ATG4B: variants seen among roughly 807,000 people sequenced by gnomAD.
ATG4B encodes cysteine protease ATG4B.
A neutral mutation model predicts 56.6 loss-of-function variants in ATG4B; 29 were observed. That is an observed-to-expected ratio of 0.51 (90% CI 0.38 to 0.70). The LOEUF (loss-of-function observed/expected upper bound fraction) is 0.70, where lower values mean the gene tolerates loss of function less well. ATG4B is among the 30% of genes least tolerant of loss of function. The probability of loss-of-function intolerance (pLI) is 0.00; values close to 1 mark genes in which losing one functional copy is unlikely to be tolerated. For synonymous variants in ATG4B, 224 were observed against 206.1 expected (o/e 1.09, Z -0.74); for missense variants, 461 against 515.5 (o/e 0.89, Z 1.02).
At chr2:241,672,019 C>A in intron 12 of ATG4B, 172 bp from the exon 13 acceptor site, 1 of 1,429,068 alleles carries the variant, frequency 7.0e-7, no homozygotes, top group East Asian at 2.5e-5. Context: ...TGCTCCCTCC[C>A]CCCATATTCG....
At position 241,651,775 on chromosome 2, in the gene ATG4B, T is replaced by G; in HGVS notation, c.184+440T>G. The G allele has an allele frequency of 1.5e-6, 1 of 678,266 alleles. No homozygotes were observed. Among genetic ancestry groups the G allele is most frequent in the South Asian group, 1.6e-5 (1 of 60,964 alleles). The allele number at this position is 678,266 out of a possible 1,614,324, so 42.0% of individuals were successfully genotyped here. ...CAGAATGTTTGGAAGCCATTCTCTG[T>G]AGCCCTCATCTTTTTTAGTATTTTC... On this transcript the variant is annotated intron_variant, in intron 3 of 12. Coordinates refer to ENST00000404914, the MANE Select transcript of ATG4B (RefSeq NM_013325.5). The surrounding 1 kb of genome is among the most constrained non-coding windows in gnomAD (Gnocchi z 4.1).
rs1490354781 is a variant in ATG4B at position 241,655,288 on chromosome 2, G to A, written c.403G>A (p.Glu135Lys). The A allele has an allele frequency of 1.9e-6, 3 of 1,611,992 alleles. No homozygotes were observed. The highest frequency in any genetic ancestry group is 2.5e-6 in the Non-Finnish European group (3 of 1,179,064). Residue 135 changes from glutamate to lysine, a missense_variant, in exon 6 of 13, where the codon GAA becomes AAA. Transcript: ENST00000404914. Reference sequence around the variant, plus strand: ...CCCTGCAGCGCAAATGGGAGTTGGCGAAGGCAAGTCCATAGGCCAGTGGTA... The same window carrying A: ...CCCTGCAGCGCAAATGGGAGTTGGCAAAGGCAAGTCCATAGGCCAGTGGTA... Reference protein sequence around the residue: ...IHQIAQMGVGEGKSIGQWYGP... With the variant: ...IHQIAQMGVGKGKSIGQWYGP...
chr2:241,651,869 G>A lies in ATG4B; in HGVS notation c.184+534G>A, dbSNP rs1312807015. ...ACATGTTTTTATGTAACACTAAGGTGCATTCTGTTAAAAGCCATTCATCAT... is the reference window on the plus strand; with the variant it reads ...ACATGTTTTTATGTAACACTAAGGTACATTCTGTTAAAAGCCATTCATCAT... On this transcript the variant is annotated intron_variant, in intron 3 of 12. Coordinates refer to ENST00000404914, the MANE Select transcript of ATG4B (RefSeq NM_013325.5). This position sits in a 1 kb window ranked among gnomAD's most constrained non-coding sequence, Gnocchi z 4.1. 3.9e-6 allele frequency: 5 copies of A among 1,296,488 alleles called. No homozygotes were observed. Among genetic ancestry groups the A allele is most frequent in the South Asian group, 2.5e-5 (2 of 80,874 alleles). The allele number at this position is 1,296,488 out of a possible 1,614,324, so 80.3% of individuals were successfully genotyped here. A position where few individuals can be genotyped will look rare whatever the true frequency, so the allele number is the denominator to read the frequency against.
intron 6 of ATG4B, among the ~76,000 whole-genome samples, chr2:241,656,572 A>G (rs954881470): frequency 2.0e-5 from 3 of 151,798 alleles, no homozygotes; most frequent in African/African-American, 7.3e-5. Flanking sequence ...CCTGCTCCCC[A>G]CCAGCCCCCG....
chr2:241,660,233 T>A (rs758993037), intron 7 of ATG4B, among the ~76,000 whole-genome samples: 10 of 152,196 alleles, frequency 6.6e-5, no homozygotes, highest in Non-Finnish European at 1.5e-4. Flanking sequence ...CAGCCGTAAC[T>A]GCGCACAGAT....
In ATG4B at chr2:241,637,742, G is replaced by A; in HGVS notation, c.10+18G>A. 6.4e-7 allele frequency: 1 copy of A among 1,572,522 alleles called. No individual in the cohort carries two copies. The highest frequency in any genetic ancestry group is 8.6e-7 in the Non-Finnish European group (1 of 1,163,194). ...GGACGCAGGTGAGGAGTTGCCGGGG[G>A]TCGGTCTTTCCGCAGGAGGTGCTCG... On this transcript the variant is annotated intron_variant, in intron 1 of 12. Transcript: ENST00000404914.
chr2:241,637,780 C>T (rs1348784677), intron 1 of ATG4B, 56 bp downstream of exon 1: 6 of 1,536,414 alleles, frequency 3.9e-6, no homozygotes, highest in South Asian at 2.4e-5. Context: ...TTATCATTGG[C>T]CTCCCCTGCT....
chr2:241,664,104 C>T (rs2068683087), intron 7 of ATG4B, among the ~76,000 whole-genome samples: 1 of 152,014 alleles, frequency 6.6e-6, no homozygotes, highest in Non-Finnish European at 1.5e-5. Flanking sequence ...AGGCGTGAGC[C>T]ACCGTGCCTG....
rs2068929844 is a variant in ATG4B at position 241,670,483 on chromosome 2, G to A, written c.958-243G>A. The A allele has an allele frequency of 1.5e-5, 9 of 588,330 alleles. No individual in the cohort carries two copies. The Admixed American group carries it at 2.4e-4, about 15-fold the overall frequency. The allele number at this position is 588,330 out of a possible 1,614,324, so 36.4% of individuals were successfully genotyped here. ...AGATGCACACCACGTAACATCTCGT[G>A]GGCGAATCAAGGCACAGCAACGCAG... On this transcript the variant is annotated intron_variant, in intron 10 of 12. Coordinates refer to ENST00000404914, the MANE Select transcript of ATG4B (RefSeq NM_013325.5).
intron 7 of ATG4B, among the ~76,000 whole-genome samples, chr2:241,661,705 G>A (rs546094850): frequency 1.3e-5 from 2 of 152,244 alleles, no homozygotes; most frequent in East Asian, 1.9e-4. Flanking sequence ...AAGCCTGTGG[G>A]GTAAGGGGAG....
chr2:241,646,890 C>T (rs533768631), intron 1 of ATG4B, among the ~76,000 whole-genome samples: 14 of 150,824 alleles, frequency 9.3e-5, no homozygotes, highest in Admixed American at 5.3e-4. Context: ...TTAAGCAATT[C>T]TCCTGCCTCA....
chr2:241,637,938 A>C (rs987724475), intron 1 of ATG4B, among the ~76,000 whole-genome samples: 13 of 151,310 alleles, frequency 8.6e-5, no homozygotes, highest in African/African-American at 2.9e-4. Context: ...GCGCCGCGGA[A>C]CCCGCCGTCG....
rs1280978593 is a variant in ATG4B, at chr2:241,659,168, T to C, written c.519T>C (p.Thr173=). ...CGGTCCACATTGCAATGGACAACAC[T>C]GTTGTGATGGAGGAAATCAGTAAGT... is the stretch of plus-strand genomic sequence containing the variant. The part of the protein sequence containing the change: ...SLAVHIAMDN[T]VVMEEIRRLC... The change falls in exon 7 of 13, where the codon ACT becomes ACC. Residue 173 remains threonine, a synonymous_variant. Transcript: ENST00000404914. 6.2e-7 allele frequency: 1 copy of C among 1,613,780 alleles called. No homozygotes were observed. Among genetic ancestry groups the C allele is most frequent in the Non-Finnish European group, 8.5e-7 (1 of 1,179,692 alleles).
chr2:241,651,045 T>C lies in ATG4B; in HGVS notation c.46T>C (p.Phe16Leu), dbSNP rs2068213655. The change falls in exon 2 of 13, where the codon TTT becomes CTT. Residue 16 changes from phenylalanine (F) to leucine (L), a missense_variant. Phe to Leu is a conservative substitution (Grantham distance 22). Transcript: ENST00000404914. This position sits in a 1 kb window ranked among gnomAD's most constrained non-coding sequence, Gnocchi z 4.1. Reference sequence around the variant, plus strand: ...CTACGACACTCTCCGGTTTGCTGAGTTTGAAGATTTTCCTGAGACCTCAGA... The same window carrying C: ...CTACGACACTCTCCGGTTTGCTGAGCTTGAAGATTTTCCTGAGACCTCAGA... Reference protein sequence around the residue: ...LTYDTLRFAEFEDFPETSEPV... With the variant: ...LTYDTLRFAELEDFPETSEPV... 1.2e-6 allele frequency: 2 copies of C among 1,613,850 alleles called. No homozygotes were observed. Among genetic ancestry groups the C allele is most frequent in the African/African-American group, 2.7e-5 (2 of 74,916 alleles).
At chr2:241,642,190 G>A (rs1268777497) in intron 1 of ATG4B, among the ~76,000 whole-genome samples, 1 of 151,236 alleles carries the variant, frequency 6.6e-6, no homozygotes, top group Non-Finnish European at 1.5e-5. Flanking sequence ...TCTTGAGATG[G>A]AGTCTTGCTC....
At chr2:241,661,783 C>G (rs577295827) in intron 7 of ATG4B, among the ~76,000 whole-genome samples, 7 of 152,182 alleles carry the variant, frequency 4.6e-5, no homozygotes, top group African/African-American at 1.7e-4. Context: ...CTGTCCACCC[C>G]CAGTCAAAGG....
chr2:241,643,506 C>T (rs1419874965), intron 1 of ATG4B, among the ~76,000 whole-genome samples: 1 of 149,342 alleles, frequency 6.7e-6, no homozygotes, highest in South Asian at 2.1e-4. Context: ...GGCACCTGGC[C>T]TTACATGTCA....
At chr2:241,664,489 G>T (rs2068699522) in intron 7 of ATG4B, among the ~76,000 whole-genome samples, 2 of 152,206 alleles carry the variant, frequency 1.3e-5, no homozygotes, top group Admixed American at 6.5e-5. Flanking sequence ...AGTGAGACAT[G>T]ATTGCACCAC....
chr2:241,651,292 A>T lies in ATG4B; in HGVS notation c.141A>T (p.Ala47=). ...AGGACGAGATCTTGTCTGATGTGGC[A>T]TCTAGACTTTGGTTTACATACAGGA... ...TEKDEILSDV[A]SRLWFTYRKN... is the part of the protein sequence containing the mutation. Residue 47 remains alanine, a synonymous_variant, in exon 3 of 13, where the codon GCA becomes GCT. Transcript: ENST00000404914. The surrounding 1 kb of genome is among the most constrained non-coding windows in gnomAD (Gnocchi z 4.1). The T allele has an allele frequency of 1.2e-6, 2 of 1,603,334 alleles. No homozygotes were observed. Among genetic ancestry groups the T allele is most frequent in the Non-Finnish European group, 1.7e-6 (2 of 1,174,456 alleles).
Sources: allele counts gnomAD v4.1 joint callset (sites outside exome capture counted in the v4.1 genomes callset), GRCh38; gene constraint gnomAD v4.1.1; non-coding constraint Gnocchi (gnomAD v3.1); transcripts MANE v1.5; gene names NCBI Gene and HGNC (gene_info 2026-07-23, HGNC 2026-07-21).